The following ACY3 variants were observed in gnomAD, a reference collection of about 807,000 sequenced individuals.
ACY3 encodes the protein aminoacylase 3, also known as N-acyl-aromatic-L-amino acid amidohydrolase (carboxylate-forming).
ACY3 carries 20 observed loss-of-function variants against 24.6 expected under a neutral mutation model. The observed-to-expected ratio is 0.81, with a 90% CI of 0.57 to 1.18. The LOEUF (loss-of-function observed/expected upper bound fraction) is 1.18, where lower values mean the gene tolerates loss of function less well. Among genes scored for constraint, ACY3 ranks in the 50% most tolerant of loss-of-function variants. The probability of loss-of-function intolerance (pLI) is 0.00; values close to 1 mark genes in which losing one functional copy is unlikely to be tolerated. For missense variants in ACY3, 423 were observed against 426.8 expected, an observed-to-expected ratio of 0.99 and a Z score of 0.08; for synonymous variants, 174 against 188.4, an observed-to-expected ratio of 0.92 and a Z score of 0.62.
intron 6 of ACY3, 52 bp downstream of exon 6, chr11:67,644,993 C>G (rs1451761524): frequency 1.2e-6 from 2 of 1,601,876 alleles, no homozygotes; most frequent in Non-Finnish European, 1.7e-6. Context: ...AACCCCTGAG[C>G]CAGACCTGCT....
Position 67,642,846 on chromosome 11 carries a change from G to C in ACY3, c.838C>G (p.Pro280Ala), listed in dbSNP as rs749879139. Reference protein sequence around the residue: ...LLYEGESTVYPVFINEAAYYE... With the variant: ...LLYEGESTVYAVFINEAAYYE... ...TAGGCAGCCTCGTTAATGAACACGGGGTACACCGTGGACTCTCCCTCATAG... is the reference window on the plus strand; with the variant it reads ...TAGGCAGCCTCGTTAATGAACACGGCGTACACCGTGGACTCTCCCTCATAG... The change falls in exon 8 of 8, where the codon CCC becomes GCC. Residue 280 changes from proline to alanine, a missense_variant. Coordinates refer to ENST00000255082, the MANE Select transcript of ACY3 (RefSeq NM_080658.2). 1 of 1,614,070 alleles carries C rather than the reference G, an allele frequency of 6.2e-7. No individual in the cohort carries two copies. Among genetic ancestry groups the C allele is most frequent in the Non-Finnish European group, 8.5e-7 (1 of 1,180,020 alleles).
chr11:67,649,057 C>A (rs999700858), intron 1 of ACY3, among the ~76,000 whole-genome samples: 2 of 152,198 alleles, frequency 1.3e-5, no homozygotes, highest in Non-Finnish European at 2.9e-5. Context: ...TCACCGGCTC[C>A]ATTTTGCAGG....
intron 1 of ACY3, among the ~76,000 whole-genome samples, chr11:67,649,393 G>C (rs1451287082): frequency 6.6e-6 from 1 of 152,212 alleles, no homozygotes; most frequent in Non-Finnish European, 1.5e-5. Context: ...CAAGTTTAGG[G>C]AGAACAGCAG....
chr11:67,650,423 T>C (rs1855605545), intron 1 of ACY3, among the ~76,000 whole-genome samples, 160 bp downstream of exon 1: 1 of 152,146 alleles, frequency 6.6e-6, no homozygotes, highest in Admixed American at 6.5e-5. Flanking sequence ...CCCTATTAAA[T>C]CCTCTTTAGT....
intron 1 of ACY3, among the ~76,000 whole-genome samples, chr11:67,649,534 G>C (rs1262440323): frequency 7.4e-6 from 1 of 135,190 alleles, no homozygotes; most frequent in Non-Finnish European, 1.5e-5. Context: ...GTGTGTGCGC[G>C]TGTGTGCATG....
intron 3 of ACY3, among the ~76,000 whole-genome samples, chr11:67,646,099 C>T (rs749552849): frequency 6.6e-6 from 1 of 152,214 alleles, no homozygotes; most frequent in Non-Finnish European, 1.5e-5. Context: ...CTGGCCCGCC[C>T]TCCCACCTGC....
intron 5 of ACY3, 67 bp from the exon 6 acceptor site, chr11:67,645,219 C>CT: frequency 1.2e-6 from 2 of 1,605,336 alleles, no homozygotes; most frequent in African/African-American, 2.7e-5. Context: ...AGGCCCTGCC[C>CT]CTTGGTGACT....
intron 7 of ACY3, among the ~76,000 whole-genome samples, chr11:67,643,593 G>T (rs750140194): frequency 6.6e-6 from 1 of 152,070 alleles, no homozygotes; most frequent in South Asian, 2.1e-4. Context: ...CAGGAGAATC[G>T]CTTGAACTCA....
intron 7 of ACY3, among the ~76,000 whole-genome samples, 166 bp from the exon 8 acceptor site, chr11:67,643,105 C>T (rs1280735309): frequency 6.6e-6 from 1 of 152,250 alleles, no homozygotes; most frequent in Non-Finnish European, 1.5e-5. Flanking sequence ...AGATACCAGT[C>T]TGCTCTGTGT....
rs1041517586 is a variant in ACY3 at position 67,646,032 on chromosome 11, A to G, written c.237-145T>C. 7.7e-6 allele frequency: 6 copies of G among 781,110 alleles called. No homozygotes were observed. In the African/African-American group the frequency reaches 1.1e-4, roughly 14 times the overall value. The allele number at this position is 781,110 out of a possible 1,614,324, so 48.4% of individuals were successfully genotyped here. A position where few individuals can be genotyped will look rare whatever the true frequency, so the allele number is the denominator to read the frequency against. ...CCCTTCAGACGTTGTGGCTGTGTCC[A>G]CCCCTGCCCGTGGCCCTCTTGGCTC... On this transcript the variant is annotated intron_variant, in intron 3 of 7. Transcript: ENST00000255082.
At chr11:67,644,952 G>T in intron 6 of ACY3, 83 bp from the exon 7 acceptor site, 1 of 1,584,806 alleles carries the variant, frequency 6.3e-7, no homozygotes, top group Non-Finnish European at 8.7e-7. Flanking sequence ...GTCAGGGCTA[G>T]ATCCCAGCCT....
chr11:67,646,538 C>T (rs969218888), intron 3 of ACY3, among the ~76,000 whole-genome samples: 4 of 152,230 alleles, frequency 2.6e-5, no homozygotes, highest in Admixed American at 1.3e-4. Context: ...GTAAACATGG[C>T]CTGTGGGGCT....
intron 1 of ACY3, among the ~76,000 whole-genome samples, chr11:67,648,243 T>C (rs147155441): frequency 0.011 from 1,603 of 152,286 alleles, 32 homozygotes; most frequent in African/African-American, 0.037. Flanking sequence ...AGAGGCAGGC[T>C]GCAGGTGGCC....
In ACY3 at chr11:67,645,844, G is replaced by A. The variant is rs774817000; in HGVS notation, c.280C>T (p.Arg94Ter). 2 of 1,613,142 alleles carry A rather than the reference G, an allele frequency of 1.2e-6. No individual in the cohort carries two copies. The highest frequency in any genetic ancestry group is 2.2e-5 in the East Asian group (1 of 44,866). The change falls in exon 4 of 8, where the codon CGA becomes TGA. Residue 94 changes from arginine (R) to a stop codon, truncating the protein, a stop_gained. Transcript: ENST00000255082. LOFTEE classifies it high-confidence loss of function. The part of the protein sequence containing the change: ...PDDPYEVTRA[R>*]ELNQLLGPKA... ...GGCCCCAGCAGCTGGTTCAGCTCTC[G>A]GGCTCTTGTCACCTCATATGGGTCG...
chr11:67,648,936 G>A (rs551972252), intron 1 of ACY3, among the ~76,000 whole-genome samples: 1 of 152,216 alleles, frequency 6.6e-6, no homozygotes, highest in Admixed American at 6.5e-5. Flanking sequence ...CCCCTCCAGG[G>A]GCCACTCCTC....
intron 7 of ACY3, among the ~76,000 whole-genome samples, chr11:67,643,160 G>C (rs1410101145): frequency 6.6e-6 from 1 of 152,246 alleles, no homozygotes; most frequent in Non-Finnish European, 1.5e-5. Flanking sequence ...ATGTGCCCAT[G>C]TGGAAGTGGA....
At chr11:67,646,662 G>T in intron 3 of ACY3, 146 bp downstream of exon 3, 2 of 838,484 alleles carry the variant, frequency 2.4e-6, no homozygotes, top group Non-Finnish European at 3.9e-6. Context: ...TAAATGTTCG[G>T]TTTGTCCCGT....
Position 67,645,155 on chromosome 11 carries a change from G to A in ACY3, c.527-3C>T. ...TGGCTGGGGGCCCAGCTCCAGACCT[G>A]GGGACCAGGAAGCAAGGGGTTAGGC... On this transcript the variant is annotated splice_region_variant and splice_polypyrimidine_tract_variant and intron_variant, in intron 5 of 7. Coordinates refer to ENST00000255082, the MANE Select transcript of ACY3 (RefSeq NM_080658.2). The A allele has an allele frequency of 1.2e-6, 2 of 1,610,932 alleles. No homozygotes were observed. Among genetic ancestry groups the A allele is most frequent in the Non-Finnish European group, 1.7e-6 (2 of 1,178,876 alleles).
At chr11:67,642,978 C>T in intron 7 of ACY3, 39 bp from the exon 8 acceptor site, 2 of 1,583,678 alleles carry the variant, frequency 1.3e-6, no homozygotes, top group Non-Finnish European at 1.7e-6. Context: ...CTGGGGCCAC[C>T]TCTGCCCTGG....
Sources: allele counts gnomAD v4.1 joint callset (sites outside exome capture counted in the v4.1 genomes callset), GRCh38; gene constraint gnomAD v4.1.1; transcripts MANE v1.5; gene names NCBI Gene and HGNC (gene_info 2026-07-23, HGNC 2026-07-21).